KIF18A: variants seen among roughly 807,000 people sequenced by gnomAD.
The protein encoded by KIF18A is kinesin family member 18A, also known as kinesin-like protein KIF18A.
KIF18A carries 67 observed loss-of-function variants against 103.3 expected under a neutral mutation model. That is an observed-to-expected ratio of 0.65 (90% CI 0.53 to 0.79). The LOEUF is 0.79. Ranked by LOEUF, KIF18A falls within the 30% of genes least tolerant of loss-of-function variation. The pLI, the probability that KIF18A is intolerant of heterozygous loss-of-function variation, is 0.00. For missense variants in KIF18A, 1,032 were observed against 1,062.5 expected, an observed-to-expected ratio of 0.97 and a Z score of 0.40; for synonymous variants, 367 against 355.5, an observed-to-expected ratio of 1.03 and a Z score of -0.36.
chr11:28,042,592 G>T (rs1203937652), intron 13 of KIF18A, among the ~76,000 whole-genome samples: 1 of 151,890 alleles, frequency 6.6e-6, no homozygotes, highest in Admixed American at 6.6e-5. Context: ...ATACATATTA[G>T]AATCTTTTCT....
intron 15 of KIF18A, among the ~76,000 whole-genome samples, chr11:28,024,079 T>C (rs1232939405): frequency 2.0e-5 from 3 of 151,712 alleles, no homozygotes; most frequent in Non-Finnish European, 4.4e-5. Flanking sequence ...ATGTTATGAT[T>C]GTAGGTGTAT....
intron 10 of KIF18A, among the ~76,000 whole-genome samples, chr11:28,073,268 T>C (rs953095437): frequency 1.3e-5 from 2 of 152,036 alleles, no homozygotes; most frequent in Non-Finnish European, 2.9e-5. Flanking sequence ...TATGCATTTC[T>C]ACACGTATTG....
chr11:28,057,187 T>C (rs762451634), intron 13 of KIF18A, among the ~76,000 whole-genome samples: 1 of 152,222 alleles, frequency 6.6e-6, no homozygotes, highest in Non-Finnish European at 1.5e-5. Flanking sequence ...AGGGGATGAA[T>C]TGGCCTCATC....
At chr11:28,056,101 T>A (rs1850776824) in intron 13 of KIF18A, among the ~76,000 whole-genome samples, 1 of 151,886 alleles carries the variant, frequency 6.6e-6, no homozygotes, top group Non-Finnish European at 1.5e-5. Flanking sequence ...TTATGATGCA[T>A]TGTTCAGGGA....
intron 1 of KIF18A, among the ~76,000 whole-genome samples, chr11:28,106,139 C>A (rs775371040): frequency 1.3e-5 from 2 of 152,200 alleles, no homozygotes; most frequent in Non-Finnish European, 2.9e-5. Flanking sequence ...TGATGCATCA[C>A]ATGGCATTCA....
Position 28,024,929 on chromosome 11 carries a change from C to T in KIF18A, c.2505-1079G>A, listed in dbSNP as rs554993020. Reference sequence around the variant, plus strand: ...CCTGCAACCGAGGATAGTATCAAACCGGATATATACTATGTATTCTCCTAC... The same window carrying T: ...CCTGCAACCGAGGATAGTATCAAACTGGATATATACTATGTATTCTCCTAC... On this transcript the variant is annotated intron_variant, in intron 15 of 16. Coordinates refer to ENST00000263181, the MANE Select transcript of KIF18A (RefSeq NM_031217.4). Among the ~76,000 whole-genome samples, 8 of 151,772 alleles carry T rather than the reference C, an allele frequency of 5.3e-5. 1 individual carries two copies. Among genetic ancestry groups the T allele is most frequent in the Middle Eastern group, 3.4e-3 (1 of 294 alleles).
chr11:28,093,273 T>TA (rs1851326892), intron 3 of KIF18A, among the ~76,000 whole-genome samples: 1 of 152,170 alleles, frequency 6.6e-6, no homozygotes, highest in Non-Finnish European at 1.5e-5. Flanking sequence ...TTTTCATAGT[T>TA]AACCAACCAA....
chr11:28,067,457 C>A (rs947361128), intron 11 of KIF18A, among the ~76,000 whole-genome samples: 3 of 152,052 alleles, frequency 2.0e-5, no homozygotes, highest in African/African-American at 4.8e-5. Flanking sequence ...TCTTTTCTCT[C>A]CAGTCATGTC....
intron 1 of KIF18A, among the ~76,000 whole-genome samples, chr11:28,101,467 A>G (rs1275306165): frequency 2.0e-5 from 3 of 152,142 alleles, no homozygotes; most frequent in African/African-American, 7.2e-5. Flanking sequence ...GACAACTATT[A>G]CATGTTGGAG....
chr11:28,023,192 C>T (rs1029066470), intron 16 of KIF18A, among the ~76,000 whole-genome samples: 2 of 152,112 alleles, frequency 1.3e-5, no homozygotes, highest in Non-Finnish European at 2.9e-5. Flanking sequence ...ACTCATGTCA[C>T]TCCCATATGC....
At chr11:28,027,637 GTCTA>G (rs575176120) in intron 15 of KIF18A, among the ~76,000 whole-genome samples, 6 of 151,702 alleles carry the variant, frequency 4.0e-5, no homozygotes, top group African/African-American at 1.2e-4. Flanking sequence ...TTTCCTACCA[GTCTA>G]TCTTTCAGAA....
intron 10 of KIF18A, among the ~76,000 whole-genome samples, chr11:28,074,013 G>A (rs1188699487): frequency 6.6e-6 from 1 of 152,130 alleles, no homozygotes; most frequent in Non-Finnish European, 1.5e-5. Flanking sequence ...ATTACCCACT[G>A]AAGATTACTA....
At chr11:28,087,259 C>T (rs771142518) in intron 6 of KIF18A, among the ~76,000 whole-genome samples, 43 of 152,020 alleles carry the variant, frequency 2.8e-4, no homozygotes, top group Non-Finnish European at 5.0e-4. Context: ...CCCTGCCTGG[C>T]GTGTAATGTT....
intron 13 of KIF18A, among the ~76,000 whole-genome samples, chr11:28,040,003 C>T (rs1326946369): frequency 6.6e-6 from 1 of 151,446 alleles, no homozygotes; most frequent in African/African-American, 2.4e-5. Flanking sequence ...CAGGAGCTAA[C>T]CAGAGCAAAA....
At position 28,088,655 on chromosome 11, in the gene KIF18A, G is replaced by A. The variant is rs745759166; in HGVS notation, c.766C>T (p.Leu256Phe). The A allele has an allele frequency of 1.2e-6, 2 of 1,614,008 alleles. No homozygotes were observed. The highest frequency in any genetic ancestry group is 1.7e-6 in the Non-Finnish European group (2 of 1,179,924). The change falls in exon 6 of 17, where the codon CTC (leucine) becomes TTC (phenylalanine). Residue 256 changes from leucine (L) to phenylalanine (F), a missense_variant. Transcript: ENST00000263181. ...CGCTCAGATCCTGCCAGGTCAATGA[G>A]TGACATCTTGGCAATACGGACATTT... ...NQNVRIAKMS[L>F]IDLAGSERAS...
chr11:28,084,788 A>G lies in KIF18A; in HGVS notation c.918T>C (p.Pro306=). Reference sequence around the variant, plus strand: ...AGCGAGTAAGCTTACTATTTCTGTAAGGGATATGCTGATTCTTTCTCTGAA... The same window carrying G: ...AGCGAGTAAGCTTACTATTTCTGTAGGGGATATGCTGATTCTTTCTCTGAA... ...ADSKRKNQHI[P]YRNSKLTRLL... The change falls in exon 7 of 17, where the codon CCT becomes CCC. Residue 306 remains proline (P), a synonymous_variant. Coordinates refer to ENST00000263181, the MANE Select transcript of KIF18A (RefSeq NM_031217.4). The G allele has an allele frequency of 6.2e-7, 1 of 1,611,286 alleles. No homozygotes were observed. The highest frequency in any genetic ancestry group is 8.5e-7 in the Non-Finnish European group (1 of 1,178,734).
At chr11:28,050,288 GGAT>G (rs1850695083) in intron 13 of KIF18A, among the ~76,000 whole-genome samples, 1 of 151,644 alleles carries the variant, frequency 6.6e-6, no homozygotes, top group South Asian at 2.1e-4. Context: ...ATGTACATGG[GGAT>G]GATAAGTCAA....
chr11:28,058,065 G>A (rs1193310073), intron 13 of KIF18A, among the ~76,000 whole-genome samples: 4 of 152,076 alleles, frequency 2.6e-5, no homozygotes, highest in African/African-American at 9.7e-5. Context: ...TAAAATTGAG[G>A]TTCTGAGAAG....
In KIF18A at chr11:28,098,959, G is replaced by A. The variant is rs912673966; in HGVS notation, c.-46-966C>T. The stretch of plus-strand genomic sequence containing the variant: ...AGTAAGGACCAAAAGGTGAGACTTA[G>A]GACGATCCTGCAATCCCACTTCTGA... On this transcript the variant is annotated intron_variant, in intron 1 of 16. Transcript: ENST00000263181. Among the ~76,000 whole-genome samples the A allele has an allele frequency of 1.7e-4, 26 of 151,802 alleles. 1 individual carries two copies. The highest frequency in any genetic ancestry group is 3.5e-4 in the Non-Finnish European group (24 of 67,962).
Sources: allele counts gnomAD v4.1 joint callset (sites outside exome capture counted in the v4.1 genomes callset), GRCh38; gene constraint gnomAD v4.1.1; transcripts MANE v1.5; gene names NCBI Gene and HGNC (gene_info 2026-07-23, HGNC 2026-07-21).